FLRT1: variants seen among roughly 807,000 people sequenced by gnomAD.
FLRT1 encodes fibronectin leucine rich transmembrane protein 1.
FLRT1 carries 14 observed loss-of-function variants against 30.9 expected under a neutral mutation model. The ratio of observed to expected loss-of-function variants is 0.45; its 90% CI spans 0.30 to 0.71. The LOEUF (loss-of-function observed/expected upper bound fraction) is 0.71, where lower values mean the gene tolerates loss of function less well. Ranked by LOEUF, FLRT1 falls within the 30% of genes least tolerant of loss-of-function variation. The pLI, the probability that FLRT1 is intolerant of heterozygous loss-of-function variation, is 0.08. For synonymous variants in FLRT1, 368 were observed against 430.4 expected, an observed-to-expected ratio of 0.85 and a Z score of 1.80; for missense variants, 737 against 949.2, an observed-to-expected ratio of 0.78 and a Z score of 2.94.
chr11:64,089,949 A>C (rs895603723), intron 1 of FLRT1, among the ~76,000 whole-genome samples: 1 of 152,162 alleles, frequency 6.6e-6, no homozygotes, highest in South Asian at 2.1e-4. Flanking sequence ...CACGCCCTGT[A>C]AAGTGAGAGG....
chr11:64,086,308 G>T (rs747747236), intron 1 of FLRT1, among the ~76,000 whole-genome samples: 2 of 152,078 alleles, frequency 1.3e-5, no homozygotes, highest in African/African-American at 4.8e-5. Context: ...AGTGCATACC[G>T]GCACCTGCAC....
rs549909517 is a variant in FLRT1, at chr11:64,037,129, C to A, written c.-1038+970C>A. 5.9e-5 allele frequency among the ~76,000 whole-genome samples: 9 copies of A among 152,286 alleles called. No homozygotes were observed. The South Asian group carries it at 6.2e-4, about 11-fold the overall frequency. ...AGAGCTCTGATGTGAATAAATACAG[C>A]CAAGGCTGGGGACGGAGGTGAGGGG... On this transcript the variant is annotated intron_variant, in intron 1 of 2. Transcript: ENST00000682287.
Position 64,117,710 on chromosome 11 carries a change from G to A in FLRT1, c.1443G>A (p.Thr481=), listed in dbSNP as rs541611835. 6.2e-5 allele frequency: 100 copies of A among 1,613,638 alleles called. No individual in the cohort carries two copies. The South Asian group carries it at 6.9e-4, about 11-fold the overall frequency. The change falls in exon 3 of 3, where the codon ACG becomes ACA. Residue 481 remains threonine (T), a synonymous_variant. Transcript: ENST00000682287. ...LGHSPAVGSI[T]ETLVQGDKTE... Reference sequence around the variant, plus strand: ...ACAGCCCAGCCGTGGGCTCCATCACGGAGACCTTGGTGCAGGGGGACAAGA... The same window carrying A: ...ACAGCCCAGCCGTGGGCTCCATCACAGAGACCTTGGTGCAGGGGGACAAGA...
At position 64,090,799 on chromosome 11, in the gene FLRT1, G is replaced by T. The variant is rs1200460311; in HGVS notation, c.-1037-12395G>T. On this transcript the variant is annotated intron_variant, in intron 1 of 2. Coordinates refer to ENST00000682287, the MANE Select transcript of FLRT1 (RefSeq NM_013280.5). This position sits in a 1 kb window ranked among gnomAD's most constrained non-coding sequence, Gnocchi z 4.7. Reference sequence around the variant, plus strand: ...TCTCTCCACCAGGCACTTGGGGTTTGTCTCTGGGGCTCTGCAGAAGCAGAG... The same window carrying T: ...TCTCTCCACCAGGCACTTGGGGTTTTTCTCTGGGGCTCTGCAGAAGCAGAG... Among the ~76,000 whole-genome samples, 3 of 152,064 alleles carry T rather than the reference G, an allele frequency of 2.0e-5. No homozygotes were observed. Among genetic ancestry groups the T allele is most frequent in the Non-Finnish European group, 4.4e-5 (3 of 68,002 alleles).
chr11:64,104,828 C>T (rs777156449), intron 2 of FLRT1, among the ~76,000 whole-genome samples: 61 of 152,158 alleles, frequency 4.0e-4, no homozygotes, highest in Non-Finnish European at 7.6e-4. Flanking sequence ...ACACAACAGG[C>T]GGTGAGTCCT....
chr11:64,074,385 T>G (rs1944164139), intron 1 of FLRT1, among the ~76,000 whole-genome samples: 1 of 152,200 alleles, frequency 6.6e-6, no homozygotes, highest in African/African-American at 2.4e-5. Context: ...CAGTTTCTAA[T>G]AGCAGCTTCC....
intron 1 of FLRT1, among the ~76,000 whole-genome samples, chr11:64,057,708 T>C (rs1230479875): frequency 6.6e-6 from 1 of 152,168 alleles, no homozygotes; most frequent in Non-Finnish European, 1.5e-5. Context: ...TACCCAGACC[T>C]GAGGGAGACC....
chr11:64,037,322 C>G (rs1435306841), intron 1 of FLRT1, among the ~76,000 whole-genome samples: 1 of 152,096 alleles, frequency 6.6e-6, no homozygotes, highest in Non-Finnish European at 1.5e-5. Flanking sequence ...CACCCTGTCT[C>G]TGCCCGGCGG....
At chr11:64,061,580 T>C (rs958990111) in intron 1 of FLRT1, among the ~76,000 whole-genome samples, 4 of 152,204 alleles carry the variant, frequency 2.6e-5, no homozygotes, top group African/African-American at 4.8e-5. Flanking sequence ...ATTTGCTGCA[T>C]TGGGTTATCT....
intron 2 of FLRT1, among the ~76,000 whole-genome samples, chr11:64,106,465 A>C (rs1944765144): frequency 6.6e-6 from 1 of 152,300 alleles, no homozygotes; most frequent in Admixed American, 6.5e-5. Flanking sequence ...ACCATGTCCT[A>C]ACTATAGGAG....
intron 1 of FLRT1, among the ~76,000 whole-genome samples, chr11:64,040,400 G>A (rs897412621): frequency 6.6e-6 from 1 of 152,192 alleles, no homozygotes; most frequent in Non-Finnish European, 1.5e-5. Context: ...CCCCCGGCAG[G>A]AGGGCAGAGG....
intron 1 of FLRT1, among the ~76,000 whole-genome samples, chr11:64,089,974 C>T (rs1443063147): frequency 2.0e-5 from 3 of 152,158 alleles, no homozygotes; most frequent in East Asian, 1.9e-4. Flanking sequence ...GATAAGATGG[C>T]GTCTTCATTG....
rs1944708144 is a variant in FLRT1 at position 64,103,574 on chromosome 11, C to G, written c.-657C>G. ...GCACCCAGCCCATTCTGCCAAGTGA[C>G]TTAAAGGAATTAAAAAAAAAAAAAG... On this transcript the variant is annotated 5_prime_UTR_variant, in exon 2 of 3. Transcript: ENST00000682287. 1 of 133,354 alleles carries G rather than the reference C, an allele frequency of 7.5e-6. No individual in the cohort carries two copies. The highest frequency in any genetic ancestry group is 1.6e-5 in the Non-Finnish European group (1 of 63,688). 8.3% of individuals were successfully genotyped at this position (133,354 alleles called of 1,614,324 possible).
rs377384251 is a variant in FLRT1 at position 64,082,591 on chromosome 11, G to A, written c.-1037-20603G>A. 6.6e-6 allele frequency among the ~76,000 whole-genome samples: 1 copy of A among 152,098 alleles called. No individual in the cohort carries two copies. Among genetic ancestry groups the A allele is most frequent in the African/African-American group, 2.4e-5 (1 of 41,406 alleles). Reference sequence around the variant, plus strand: ...GGTTCAGATTCAGGTGAAGCTTAGGGGTCCCTGGGCTGAAGACGGAACCTC... The same window carrying A: ...GGTTCAGATTCAGGTGAAGCTTAGGAGTCCCTGGGCTGAAGACGGAACCTC... On this transcript the variant is annotated intron_variant, in intron 1 of 2. Coordinates refer to ENST00000682287, the MANE Select transcript of FLRT1 (RefSeq NM_013280.5). This position sits in a 1 kb window ranked among gnomAD's most constrained non-coding sequence, Gnocchi z 4.5.
chr11:64,053,184 CT>C (rs1308361619), intron 1 of FLRT1, among the ~76,000 whole-genome samples: 2 of 152,242 alleles, frequency 1.3e-5, no homozygotes, highest in Admixed American at 1.3e-4. Flanking sequence ...GCTTGGGGCC[CT>C]GGGGTGGGCG....
chr11:64,066,534 A>T (rs1565216984), intron 1 of FLRT1, among the ~76,000 whole-genome samples: 1 of 151,678 alleles, frequency 6.6e-6, no homozygotes, highest in African/African-American at 2.4e-5. Context: ...CAGGAGGATC[A>T]CTTGAGCCTG....
At chr11:64,114,455 GGATGGATA>G (rs1473307325) in intron 2 of FLRT1, among the ~76,000 whole-genome samples, 1 of 151,166 alleles carries the variant, frequency 6.6e-6, no homozygotes, top group African/African-American at 2.4e-5. Context: ...ATGGATGAAT[GGATGGATA>G]GATGGATGGA....
In FLRT1 at chr11:64,076,222, G is replaced by T. The variant is rs557680542; in HGVS notation, c.-1037-26972G>T. On this transcript the variant is annotated intron_variant, in intron 1 of 2. Coordinates refer to ENST00000682287, the MANE Select transcript of FLRT1 (RefSeq NM_013280.5). ...CTGCCCCTCCATCTCACCATGCAGG[G>T]TCCTGCTTCCTTAGCAAGACCCTCC... Among the ~76,000 whole-genome samples the T allele has an allele frequency of 2.0e-5, 3 of 152,256 alleles. No homozygotes were observed. In the South Asian group the frequency reaches 6.2e-4, roughly 32 times the overall value.
chr11:64,081,922 C>T (rs1170535484), intron 1 of FLRT1: 1 of 152,180 alleles, frequency 6.6e-6, no homozygotes, highest in Non-Finnish European at 1.5e-5. Context: ...CCTCTGGACT[C>T]CCGGCTCTCG....
Sources: allele counts gnomAD v4.1 joint callset (sites outside exome capture counted in the v4.1 genomes callset), GRCh38; gene constraint gnomAD v4.1.1; non-coding constraint Gnocchi (gnomAD v3.1); transcripts MANE v1.5; gene names NCBI Gene and HGNC (gene_info 2026-07-23, HGNC 2026-07-21).